CCDC152: variants seen among roughly 807,000 people sequenced by gnomAD.
The protein encoded by CCDC152 is coiled-coil domain-containing protein 152.
In CCDC152, 37 loss-of-function variants were observed where a neutral mutation model predicts 38.1. That is an observed-to-expected ratio of 0.97 (90% CI 0.75 to 1.28). The LOEUF is 1.28. CCDC152 is among the 50% of genes most tolerant of loss of function. The pLI is 0.00. For synonymous variants in CCDC152, 83 were observed against 87.1 expected, an observed-to-expected ratio of 0.95 and a Z score of 0.26; for missense variants, 259 against 292.1, an observed-to-expected ratio of 0.89 and a Z score of 0.83.
At chr5:42,781,029 T>C (rs1457978879) in intron 5 of CCDC152, among the ~76,000 whole-genome samples, 2 of 152,156 alleles carry the variant, frequency 1.3e-5, no homozygotes, top group African/African-American at 2.4e-5. Flanking sequence ...CCAGATAGAA[T>C]AGTCTTCATG....
At chr5:42,770,089 G>C (rs766219382) in intron 4 of CCDC152, among the ~76,000 whole-genome samples, 1 of 152,156 alleles carries the variant, frequency 6.6e-6, no homozygotes, top group Non-Finnish European at 1.5e-5. Flanking sequence ...TGCAAGTGAA[G>C]TCAACACATT....
At chr5:42,772,649 C>CAAAAAA in intron 4 of CCDC152, among the ~76,000 whole-genome samples, 1 of 128,434 alleles carries the variant, frequency 7.8e-6, no homozygotes, top group Non-Finnish European at 1.6e-5. Flanking sequence ...GACTCCGTCT[C>CAAAAAA]AAAAAAAAAA....
chr5:42,793,289 G>A (rs145910360), intron 6 of CCDC152, among the ~76,000 whole-genome samples: 10 of 152,272 alleles, frequency 6.6e-5, no homozygotes, highest in African/African-American at 2.2e-4. Flanking sequence ...TTGAGCAAAA[G>A]GATAGATTAT....
intron 4 of CCDC152, among the ~76,000 whole-genome samples, chr5:42,776,206 A>T (rs1367516007): frequency 6.6e-6 from 1 of 152,150 alleles, no homozygotes; most frequent in Non-Finnish European, 1.5e-5. Flanking sequence ...AAAAAAGTCT[A>T]CTTTAAATAT....
intron 3 of CCDC152, among the ~76,000 whole-genome samples, chr5:42,762,903 T>C (rs1759572641): frequency 6.6e-6 from 1 of 152,172 alleles, no homozygotes; most frequent in Non-Finnish European, 1.5e-5. Flanking sequence ...TCAAAATAAA[T>C]GTCAAATGTG....
chr5:42,799,285 C>A, intron 7 of CCDC152, 90 bp from the exon 8 acceptor site: 1 of 650,198 alleles, frequency 1.5e-6, no homozygotes, highest in Non-Finnish European at 2.6e-6. Context: ...TTACAGATTA[C>A]ATGTCAAAGG....
chr5:42,797,713 A>T (rs1196575569), intron 7 of CCDC152, among the ~76,000 whole-genome samples: 2 of 152,188 alleles, frequency 1.3e-5, no homozygotes, highest in Non-Finnish European at 2.9e-5. Context: ...TTTATTTCTC[A>T]TTAAAAAAAC....
At chr5:42,784,961 A>G (rs893281167) in intron 6 of CCDC152, among the ~76,000 whole-genome samples, 2 of 151,984 alleles carry the variant, frequency 1.3e-5, no homozygotes, top group Admixed American at 6.6e-5. Context: ...TTACAGATCT[A>G]TGTTTCCATT....
intron 4 of CCDC152, among the ~76,000 whole-genome samples, chr5:42,772,428 T>C (rs947852602): frequency 2.0e-5 from 3 of 152,180 alleles, no homozygotes; most frequent in East Asian, 1.9e-4. Context: ...GGCCGGGCGC[T>C]GTGGCTCACG....
chr5:42,775,534 G>T (rs912979705), intron 4 of CCDC152, among the ~76,000 whole-genome samples: 14 of 152,144 alleles, frequency 9.2e-5, no homozygotes, highest in African/African-American at 3.4e-4. Flanking sequence ...GAGGGTATTT[G>T]TTGCAAGTAT....
intron 2 of CCDC152, 90 bp from the exon 3 acceptor site, chr5:42,762,353 T>A: frequency 1.5e-6 from 1 of 671,798 alleles, no homozygotes; most frequent in Non-Finnish European, 2.6e-6. Flanking sequence ...TATTAAGTGG[T>A]TTGTATTTTC....
intron 6 of CCDC152, among the ~76,000 whole-genome samples, chr5:42,783,984 A>G (rs764434563): frequency 9.9e-5 from 15 of 152,030 alleles, no homozygotes; most frequent in African/African-American, 2.4e-4. Flanking sequence ...TCTTTATCCA[A>G]TCCATCATTG....
rs763009235 is a variant in CCDC152 at position 42,772,775 on chromosome 5, G to C, written c.262+3110G>C. On this transcript the variant is annotated intron_variant, in intron 4 of 8. Transcript: ENST00000361970. The stretch of plus-strand genomic sequence containing the variant: ...CAAGCCTTGATTGAGCAAGGTAATA[G>C]ATAAGAACTATCTATATTTGACCAT... 7.9e-5 allele frequency among the ~76,000 whole-genome samples: 12 copies of C among 152,124 alleles called. 1 individual carries two copies. The South Asian group carries it at 8.3e-4, about 10-fold the overall frequency.
At chr5:42,787,276 G>C (rs1759934682) in intron 6 of CCDC152, among the ~76,000 whole-genome samples, 1 of 151,796 alleles carries the variant, frequency 6.6e-6, no homozygotes, top group Non-Finnish European at 1.5e-5. Context: ...GGTCTAGTCT[G>C]TTGCTAAAAC....
Position 42,783,468 on chromosome 5 carries a change from C to A in CCDC152, c.328-6C>A, listed in dbSNP as rs1188820860. 4 of 1,159,032 alleles carry A rather than the reference C, an allele frequency of 3.5e-6. No homozygotes were observed. The highest frequency in any genetic ancestry group is 3.5e-5 in the East Asian group (1 of 28,546). 71.8% of individuals were successfully genotyped at this position (1,159,032 alleles called of 1,614,324 possible). A position where few individuals can be genotyped will look rare whatever the true frequency, so the allele number is the denominator to read the frequency against. On this transcript the variant is annotated splice_region_variant and splice_polypyrimidine_tract_variant and intron_variant, in intron 5 of 8. Coordinates refer to ENST00000361970, the MANE Select transcript of CCDC152 (RefSeq NM_001134848.2). Reference sequence around the variant, plus strand: ...TTTAAAAATTAATATATATTTTAATCTTTAGGAATATAAGAATAATATTGC... The same window carrying A: ...TTTAAAAATTAATATATATTTTAATATTTAGGAATATAAGAATAATATTGC...
At chr5:42,779,669 A>G (rs1415512053) in intron 5 of CCDC152, 147 bp downstream of exon 5, 2 of 443,382 alleles carry the variant, frequency 4.5e-6, no homozygotes, top group African/African-American at 2.0e-5. Flanking sequence ...ATATATGCCA[A>G]AATCTTTAGT....
At chr5:42,775,209 A>C (rs943792094) in intron 4 of CCDC152, among the ~76,000 whole-genome samples, 1 of 152,174 alleles carries the variant, frequency 6.6e-6, no homozygotes, top group Non-Finnish European at 1.5e-5. Context: ...ACCAAACCAC[A>C]GATCCAGGAA....
intron 4 of CCDC152, among the ~76,000 whole-genome samples, chr5:42,777,398 G>T (rs986023274): frequency 2.0e-5 from 3 of 151,702 alleles, no homozygotes; most frequent in Admixed American, 6.6e-5. Flanking sequence ...GGAGGGGGAG[G>T]TTGCAGGGAG....
intron 6 of CCDC152, among the ~76,000 whole-genome samples, chr5:42,793,382 C>T (rs529179946): frequency 5.9e-5 from 9 of 152,066 alleles, no homozygotes; most frequent in African/African-American, 1.9e-4. Context: ...ATATGGTCCT[C>T]GAAACTCCTC....
Sources: allele counts gnomAD v4.1 joint callset (sites outside exome capture counted in the v4.1 genomes callset), GRCh38; gene constraint gnomAD v4.1.1; transcripts MANE v1.5; gene names NCBI Gene and HGNC (gene_info 2026-07-23, HGNC 2026-07-21).